NR5A2: variants seen among roughly 807,000 people sequenced by gnomAD.
NR5A2 encodes the protein CYP7A promoter-binding factor.
NR5A2 carries 26 observed loss-of-function variants against 62.7 expected under a neutral mutation model. The ratio of observed to expected loss-of-function variants is 0.41; its 90% confidence interval spans 0.30 to 0.58. The LOEUF (loss-of-function observed/expected upper bound fraction) is 0.58. NR5A2 is among the 20% of genes least tolerant of loss of function. NR5A2 has a pLI of 0.22. For missense variants in NR5A2, 541 were observed against 669.1 expected, an observed-to-expected ratio of 0.81 and a Z score of 2.11; for synonymous variants, 246 against 241.7, an observed-to-expected ratio of 1.02 and a Z score of -0.16.
chr1:200,118,928 A>C (rs1287620431), intron 6 of NR5A2, among the ~76,000 whole-genome samples: 2 of 152,194 alleles, frequency 1.3e-5, no homozygotes, highest in East Asian at 3.8e-4. Context: ...TGAAACAGAA[A>C]CCACAGGAGT....
At chr1:200,110,961 T>C (rs541589769) in intron 5 of NR5A2, among the ~76,000 whole-genome samples, 4 of 152,266 alleles carry the variant, frequency 2.6e-5, no homozygotes, top group Non-Finnish European at 2.9e-5. Flanking sequence ...GTTCATTGAT[T>C]ATAAATACTT....
intron 1 of NR5A2, among the ~76,000 whole-genome samples, chr1:200,033,510 C>G (rs1661622032): frequency 6.6e-6 from 1 of 152,200 alleles, no homozygotes; most frequent in Admixed American, 6.5e-5. Context: ...ATTCCTTGCT[C>G]AGGGTTTGGA....
intron 5 of NR5A2, among the ~76,000 whole-genome samples, chr1:200,066,867 C>T (rs1009571404): frequency 6.6e-6 from 1 of 152,126 alleles, no homozygotes; most frequent in Admixed American, 6.5e-5. Flanking sequence ...CGTGAGCCCC[C>T]ATGCCTGGCC....
At chr1:200,152,215 C>A (rs1009013070) in intron 7 of NR5A2, among the ~76,000 whole-genome samples, 1 of 152,118 alleles carries the variant, frequency 6.6e-6, no homozygotes, top group South Asian at 2.1e-4. Flanking sequence ...ATTTCCAAAG[C>A]AAATCCTAAC....
At position 200,027,905 on chromosome 1, in the gene NR5A2, C is replaced by T. The variant is rs142187332; in HGVS notation, c.58C>T (p.Pro20Ser). The change falls in exon 1 of 8, where the codon CCT becomes TCT. Residue 20 changes from proline to serine, a missense_variant. Around this residue, in one of 3 missense-constraint regions of NR5A2, gnomAD observed 108 missense variants for 103.3 expected, o/e 1.05. Coordinates refer to ENST00000367362, the MANE Select transcript of NR5A2 (RefSeq NM_205860.3). ...AGAGTCTTTAAAGCACGGACTTACA[C>T]CTATTGGTAAGTAGGAGTTTCTCTA... ...LQESLKHGLT[P>S]IGAGLPDRHG... is the part of the protein sequence containing the mutation. 11 of 1,585,872 alleles carry T rather than the reference C, an allele frequency of 6.9e-6. No individual in the cohort carries two copies. The African/African-American group carries it at 1.5e-4, about 21-fold the overall frequency.
chr1:200,041,083 T>A (rs1046041104), intron 2 of NR5A2, among the ~76,000 whole-genome samples: 4 of 149,258 alleles, frequency 2.7e-5, no homozygotes, highest in African/African-American at 9.9e-5. Context: ...GAAGTGGCGC[T>A]GGGGGGCTGG....
chr1:200,161,285 C>A (rs1421899231), intron 7 of NR5A2, among the ~76,000 whole-genome samples: 1 of 152,168 alleles, frequency 6.6e-6, no homozygotes. Context: ...TTTCCTGGCT[C>A]AGAATATCCC....
chr1:200,082,347 C>G (rs953348880), intron 5 of NR5A2, among the ~76,000 whole-genome samples: 2 of 152,202 alleles, frequency 1.3e-5, no homozygotes, highest in South Asian at 4.1e-4. Context: ...CTAAAAGTTC[C>G]TTGAAGAACA....
chr1:200,053,569 G>GCGCGCA (rs374944913), intron 5 of NR5A2, among the ~76,000 whole-genome samples: 26 of 142,104 alleles, frequency 1.8e-4, no homozygotes, highest in African/African-American at 5.8e-4. Context: ...GCATGCACAC[G>GCGCGCA]CACACACACA....
In NR5A2 at chr1:200,045,570, G is replaced by A. The variant is rs568473881; in HGVS notation, c.449G>A (p.Gly150Glu). The A allele has an allele frequency of 6.2e-7, 1 of 1,611,006 alleles. No homozygotes were observed. Among genetic ancestry groups the A allele is most frequent in the Admixed American group, 1.7e-5 (1 of 59,498 alleles). Residue 150 changes from glycine (G) to glutamate (E), a missense_variant, in exon 4 of 8, where the codon GGA becomes GAA. By Grantham distance (98) the Gly-to-Glu change is moderately conservative. Coordinates refer to ENST00000367362, the MANE Select transcript of NR5A2 (RefSeq NM_205860.3). ...YCRFQKCLSV[G>E]MKLEAVRADR... ...CGTTTTCAAAAATGTCTAAGTGTTG[G>A]AATGAAGCTAGAAGGTAAGATTCTT...
In NR5A2 at chr1:200,147,483, A is replaced by G. The variant is rs560013371; in HGVS notation, c.1379-26480A>G. 8.1e-6 allele frequency: 5 copies of G among 619,488 alleles called. No individual in the cohort carries two copies. The highest frequency in any genetic ancestry group is 3.9e-5 in the East Asian group (1 of 25,464). 38.4% of individuals were successfully genotyped at this position (619,488 alleles called of 1,614,324 possible). A position where few individuals can be genotyped will look rare whatever the true frequency, so the allele number is the denominator to read the frequency against. On this transcript the variant is annotated intron_variant, in intron 7 of 7. Coordinates refer to ENST00000367362, the MANE Select transcript of NR5A2 (RefSeq NM_205860.3). The surrounding 1 kb of genome is among the most constrained non-coding windows in gnomAD (Gnocchi z 4.9). ...GGAGAGCTCTTTGAGGCAAGGGACA[A>G]TTTGATCTGTTTCTTCATCCTTAAA... is the stretch of plus-strand genomic sequence containing the variant.
intron 6 of NR5A2, among the ~76,000 whole-genome samples, chr1:200,119,549 C>G (rs1335282972): frequency 6.6e-6 from 1 of 152,208 alleles, no homozygotes; most frequent in African/African-American, 2.4e-5. Context: ...AGTGCTATCA[C>G]TGACAGCCAT....
intron 5 of NR5A2, among the ~76,000 whole-genome samples, chr1:200,074,736 CA>C (rs199556915): frequency 4.0e-4 from 27 of 67,542 alleles, no homozygotes; most frequent in East Asian, 6.7e-4. Flanking sequence ...GAGTCCATCT[CA>C]AAAAAAAAAA....
intron 5 of NR5A2, among the ~76,000 whole-genome samples, chr1:200,071,874 TA>T (rs1276188307): frequency 6.6e-6 from 1 of 152,176 alleles, no homozygotes; most frequent in Non-Finnish European, 1.5e-5. Flanking sequence ...TGGAAAGTCT[TA>T]AAAATTGATC....
intron 7 of NR5A2, among the ~76,000 whole-genome samples, chr1:200,165,115 G>A (rs910132852): frequency 2.8e-4 from 43 of 152,192 alleles, no homozygotes; most frequent in African/African-American, 1.0e-3. Context: ...GACCTCAGGT[G>A]ATCTGCCCGC....
chr1:200,098,791 A>G (rs1419856337), intron 5 of NR5A2, among the ~76,000 whole-genome samples: 1 of 152,254 alleles, frequency 6.6e-6, no homozygotes, highest in Non-Finnish European at 1.5e-5. Context: ...ATGAAAGGGT[A>G]GACCATTCAC....
Position 200,174,171 on chromosome 1 carries a change from T to C in NR5A2, c.1587T>C (p.Asn529=). 6.2e-7 allele frequency: 1 copy of C among 1,610,656 alleles called. No individual in the cohort carries two copies. Among genetic ancestry groups the C allele is most frequent in the Non-Finnish European group, 8.5e-7 (1 of 1,178,052 alleles). ...YKHLNGDVPY[N]NLLIEMLHAK... is the part of the protein sequence containing the mutation. ...ACCTGAACGGGGATGTGCCCTATAA[T>C]AACCTTCTCATTGAAATGTTGCATG... Residue 529 remains asparagine (N), a synonymous_variant, in exon 8 of 8, where the codon AAT becomes AAC. Transcript: ENST00000367362.
At chr1:200,097,395 A>G (rs114536335) in intron 5 of NR5A2, among the ~76,000 whole-genome samples, 1,620 of 152,230 alleles carry the variant, frequency 0.011, 21 homozygotes, top group African/African-American at 0.035. Flanking sequence ...TTCGTCACTC[A>G]CCTCTGTTAG....
chr1:200,150,592 T>A (rs1653036758), intron 7 of NR5A2, among the ~76,000 whole-genome samples: 1 of 152,214 alleles, frequency 6.6e-6, no homozygotes, highest in Admixed American at 6.5e-5. Flanking sequence ...TAGGTATAAT[T>A]GTTTTAGAGT....
Sources: allele counts gnomAD v4.1 joint callset (sites outside exome capture counted in the v4.1 genomes callset), GRCh38; gene constraint gnomAD v4.1.1; regional missense constraint gnomAD v4.1.1; non-coding constraint Gnocchi (gnomAD v3.1); transcripts MANE v1.5; gene names NCBI Gene and HGNC (gene_info 2026-07-23, HGNC 2026-07-21).